KIF2A: variants seen among roughly 807,000 people sequenced by gnomAD.
KIF2A encodes the protein kinesin family member 2A, also known as kinesin-like protein KIF2A.
Under a neutral mutation model 100.2 loss-of-function variants are expected in KIF2A, and 22 were observed. That is an observed-to-expected ratio of 0.22 (90% confidence interval 0.16 to 0.31). KIF2A has a LOEUF of 0.31. Among genes scored for constraint, KIF2A ranks in the 10% least tolerant of loss-of-function variants. The pLI is 1.00. For missense variants in KIF2A, 495 were observed against 898.7 expected, an observed-to-expected ratio of 0.55 and a Z score of 5.74; for synonymous variants, 268 against 285.9, an observed-to-expected ratio of 0.94 and a Z score of 0.63.
chr5:62,356,340 G>T (rs1748105082), intron 7 of KIF2A, among the ~76,000 whole-genome samples: 1 of 152,132 alleles, frequency 6.6e-6, no homozygotes, highest in African/African-American at 2.4e-5. Context: ...TTCTGCAAGG[G>T]TCTTTGGCTT....
At chr5:62,325,089 T>C (rs1192285330) in intron 1 of KIF2A, among the ~76,000 whole-genome samples, 1 of 152,198 alleles carries the variant, frequency 6.6e-6, no homozygotes, top group Non-Finnish European at 1.5e-5. Flanking sequence ...TACTTTCTTT[T>C]CTTTCCTTTC....
At position 62,374,191 on chromosome 5, in the gene KIF2A, G is replaced by A. The variant is rs78611035; in HGVS notation, c.1911+354G>A. On this transcript the variant is annotated intron_variant, in intron 18 of 20. Transcript: ENST00000407818. ...AGCATCACTGCACTCTAGCCTAGGTGACAGAGCGAGACCTTGTCTCTTAAA... is the reference window on the plus strand; with the variant it reads ...AGCATCACTGCACTCTAGCCTAGGTAACAGAGCGAGACCTTGTCTCTTAAA... 5.3e-3 allele frequency among the ~76,000 whole-genome samples: 806 copies of A among 152,308 alleles called. 1 individual carries two copies. The highest frequency in any genetic ancestry group is 9.9e-3 in the South Asian group (48 of 4,830).
At chr5:62,352,796 A>T in intron 5 of KIF2A, 86 bp downstream of exon 5, 1 of 1,029,350 alleles carries the variant, frequency 9.7e-7, no homozygotes, top group Non-Finnish European at 1.4e-6. Flanking sequence ...TCAAAGAGTA[A>T]ACACTCTAAA....
chr5:62,342,201 G>C (rs1747331931), intron 1 of KIF2A, among the ~76,000 whole-genome samples: 1 of 152,218 alleles, frequency 6.6e-6, no homozygotes, highest in South Asian at 2.1e-4. Context: ...AAGGATGGCT[G>C]CCAGGTCTTA....
intron 20 of KIF2A, 24 bp from the exon 21 acceptor site, chr5:62,385,460 C>T: frequency 2.0e-6 from 3 of 1,503,764 alleles, no homozygotes; most frequent in Non-Finnish European, 1.8e-6. Context: ...AATACTTATT[C>T]CCTCTTTCTT....
At chr5:62,314,758 G>GTTTTTT (rs34987605) in intron 1 of KIF2A, among the ~76,000 whole-genome samples, 17 of 100,880 alleles carry the variant, frequency 1.7e-4, no homozygotes, top group South Asian at 7.7e-4. Flanking sequence ...AGAATGAACT[G>GTTTTTT]TTTTTTTTTT....
chr5:62,329,297 T>TA (rs1024237424), intron 1 of KIF2A, among the ~76,000 whole-genome samples: 2 of 152,208 alleles, frequency 1.3e-5, no homozygotes, highest in African/African-American at 4.8e-5. Flanking sequence ...ACAGCACTGT[T>TA]ACCAGTGTCA....
At chr5:62,319,659 A>G (rs1012057061) in intron 1 of KIF2A, among the ~76,000 whole-genome samples, 1 of 152,228 alleles carries the variant, frequency 6.6e-6, no homozygotes, top group African/African-American at 2.4e-5. Flanking sequence ...TTGCTGAATC[A>G]GTGACTAAAT....
chr5:62,362,702 TTTATG>T (rs1335884960), intron 12 of KIF2A, among the ~76,000 whole-genome samples, 161 bp downstream of exon 12: 5 of 152,230 alleles, frequency 3.3e-5, no homozygotes, highest in Admixed American at 2.0e-4. Flanking sequence ...TATATTAGAA[TTTATG>T]TTATGAGATT....
At chr5:62,339,294 G>C (rs2053695) in intron 1 of KIF2A, among the ~76,000 whole-genome samples, 1 of 88,680 alleles carries the variant, frequency 1.1e-5, no homozygotes, top group Non-Finnish European at 2.6e-5. Flanking sequence ...AGGGGATGGT[G>C]CACTCATCAC....
chr5:62,328,501 T>C (rs1746486166), intron 1 of KIF2A, among the ~76,000 whole-genome samples: 1 of 151,080 alleles, frequency 6.6e-6, no homozygotes, highest in African/African-American at 2.4e-5. Flanking sequence ...TTTAATACTC[T>C]TTTTTTTGAA....
chr5:62,353,204 C>A, intron 5 of KIF2A, 71 bp from the exon 6 acceptor site: 2 of 734,118 alleles, frequency 2.7e-6, no homozygotes, highest in East Asian at 2.9e-5. Context: ...TGAAGTTATA[C>A]ATAAAAAAAG....
chr5:62,387,974 A>AT lies in KIF2A; in HGVS notation c.*2411dup, dbSNP rs958018567. The AT allele has an allele frequency of 6.6e-6, 1 of 152,114 alleles. No homozygotes were observed. The highest frequency in any genetic ancestry group is 1.5e-5 in the Non-Finnish European group (1 of 68,010). 9.4% of individuals were successfully genotyped at this position (152,114 alleles called of 1,614,324 possible). On this transcript the variant is annotated 3_prime_UTR_variant, in exon 21 of 21. Transcript: ENST00000407818. ...AATATCAATAAAGATATTTTTATTA[A>AT]TTTTTTATAGAAACAAAATAGCTAC...
At chr5:62,339,588 G>C (rs2111879855) in intron 1 of KIF2A, among the ~76,000 whole-genome samples, 1 of 137,852 alleles carries the variant, frequency 7.3e-6, no homozygotes, top group Non-Finnish European at 1.6e-5. Flanking sequence ...GTACACATAT[G>C]TAAGAATGTC....
rs1742073986 is a variant in KIF2A, at chr5:62,387,239, C to G, written c.*1670C>G. On this transcript the variant is annotated 3_prime_UTR_variant, in exon 21 of 21. Coordinates refer to ENST00000407818, the MANE Select transcript of KIF2A (RefSeq NM_001098511.3). ...TTGTTTTGGAAAGGACTCAGGTTTTCTTGCAGCTGTAAGATATATTCTATT... is the reference window on the plus strand; with the variant it reads ...TTGTTTTGGAAAGGACTCAGGTTTTGTTGCAGCTGTAAGATATATTCTATT... 6.6e-6 allele frequency: 1 copy of G among 152,086 alleles called. No homozygotes were observed. Among genetic ancestry groups the G allele is most frequent in the Admixed American group, 6.6e-5 (1 of 15,266 alleles). The allele number at this position is 152,086 out of a possible 1,614,324, so 9.4% of individuals were successfully genotyped here.
At chr5:62,351,750 T>C (rs1747864100) in intron 4 of KIF2A, among the ~76,000 whole-genome samples, 1 of 152,208 alleles carries the variant, frequency 6.6e-6, no homozygotes, top group African/African-American at 2.4e-5. Flanking sequence ...AAGATTTGCA[T>C]ATTTGAGGAG....
In KIF2A at chr5:62,381,388, G is replaced by T. The variant is rs766465891; in HGVS notation, c.2149+135G>T. The T allele has an allele frequency of 1.6e-5, 11 of 676,470 alleles. No homozygotes were observed. In the African/African-American group the frequency reaches 2.0e-4, roughly 12 times the overall value. 41.9% of individuals were successfully genotyped at this position (676,470 alleles called of 1,614,324 possible). ...ACTGTTTAGCATCTATTTTCCAGAG[G>T]TATAAAGACAACTAACCATTGTGGT... On this transcript the variant is annotated intron_variant, in intron 20 of 20. Coordinates refer to ENST00000407818, the MANE Select transcript of KIF2A (RefSeq NM_001098511.3).
intron 1 of KIF2A, among the ~76,000 whole-genome samples, chr5:62,333,117 T>C (rs1016326994): frequency 5.3e-5 from 8 of 152,242 alleles, no homozygotes; most frequent in Admixed American, 1.3e-4. Flanking sequence ...AGCTCCAAAC[T>C]TTTCTTGCAC....
At chr5:62,339,869 A>G (rs1747195057) in intron 1 of KIF2A, among the ~76,000 whole-genome samples, 1 of 151,554 alleles carries the variant, frequency 6.6e-6, no homozygotes. Context: ...TTACATTTAA[A>G]GGTGATAAAA....
Sources: gnomAD v4.1 joint callset for allele counts (sites outside exome capture counted in the v4.1 genomes callset) on GRCh38, gnomAD v4.1.1 for gene constraint, MANE v1.5 for transcripts, NCBI Gene and HGNC (gene_info 2026-07-23, HGNC 2026-07-21) for gene names.